MOCOS: variants seen among roughly 807,000 people sequenced by gnomAD.
MOCOS encodes molybdenum cofactor sulfurase, also known as human molybdenum cofactor sulfurase.
In MOCOS, 86 loss-of-function variants were observed where a neutral mutation model predicts 83.6. That is an observed-to-expected ratio of 1.03 (90% confidence interval 0.86 to 1.23). The LOEUF is 1.23. Ranked by LOEUF, MOCOS falls within the 50% of genes most tolerant of loss-of-function variation. The pLI, the probability that MOCOS is intolerant of heterozygous loss-of-function variation, is 0.00. For synonymous variants in MOCOS, 445 were observed against 434.7 expected (o/e 1.02, Z -0.29); for missense variants, 1,120 against 1,126.9 (o/e 0.99, Z 0.09).
At chr18:36,217,575 G>A (rs79626446) in intron 8 of MOCOS, among the ~76,000 whole-genome samples, 2,388 of 152,058 alleles carry the variant, frequency 0.016, 70 homozygotes, top group African/African-American at 0.055. Flanking sequence ...TCATTGAAGG[G>A]ACATTGCACC....
chr18:36,233,623 A>T (rs1248383674), intron 9 of MOCOS, among the ~76,000 whole-genome samples: 1 of 152,202 alleles, frequency 6.6e-6, no homozygotes, highest in South Asian at 2.1e-4. Flanking sequence ...ATTGTTTTCC[A>T]TAGTGGTTTT....
chr18:36,256,030 T>C (rs1368383832), intron 11 of MOCOS, among the ~76,000 whole-genome samples: 1 of 151,754 alleles, frequency 6.6e-6, no homozygotes, highest in Non-Finnish European at 1.5e-5. Context: ...GTAGCTAAGA[T>C]TAAAGGCAAG....
In MOCOS at chr18:36,220,063, G is replaced by A; in HGVS notation, c.1806G>A (p.Arg602=). The change falls in exon 9 of 15, where the codon AGG becomes AGA. Residue 602 remains arginine (R), a synonymous_variant. Coordinates refer to ENST00000261326, the MANE Select transcript of MOCOS (RefSeq NM_017947.4). ...IKSCAAFEVT[R]WPVGNQGLLY... ...TCTACCTTTTTGTTTAGGTGACCAG[G>A]TGGCCTGTAGGAAACCAAGGGCTGC... 3 of 1,612,950 alleles carry A rather than the reference G, an allele frequency of 1.9e-6. No individual in the cohort carries two copies. The highest frequency in any genetic ancestry group is 2.5e-6 in the Non-Finnish European group (3 of 1,180,010).
At chr18:36,205,842 C>A (rs1171743311) in intron 6 of MOCOS, among the ~76,000 whole-genome samples, 1 of 151,284 alleles carries the variant, frequency 6.6e-6, no homozygotes, top group Non-Finnish European at 1.5e-5. Flanking sequence ...TGGGTTCAAG[C>A]AATTCTCATG....
chr18:36,206,818 AT>A (rs1392249629), intron 6 of MOCOS, among the ~76,000 whole-genome samples: 1 of 152,066 alleles, frequency 6.6e-6, no homozygotes, highest in African/African-American at 2.4e-5. Flanking sequence ...GACTGGTTTC[AT>A]TTTTTTGTGG....
intron 14 of MOCOS, 106 bp downstream of exon 14, chr18:36,266,959 G>A: frequency 1.1e-6 from 1 of 947,188 alleles, no homozygotes; most frequent in Non-Finnish European, 1.7e-6. Flanking sequence ...TGGGGGATTT[G>A]CTGCCCATCC....
chr18:36,206,161 T>G (rs977908202), intron 6 of MOCOS, among the ~76,000 whole-genome samples: 1 of 151,870 alleles, frequency 6.6e-6, no homozygotes, highest in Admixed American at 6.6e-5. Context: ...AAATGTGAAC[T>G]GGTATGTGCA....
At chr18:36,224,027 T>C (rs1317339299) in intron 9 of MOCOS, among the ~76,000 whole-genome samples, 5 of 151,938 alleles carry the variant, frequency 3.3e-5, no homozygotes, top group Non-Finnish European at 7.4e-5. Context: ...TATTGTACTC[T>C]TTTTTTTGTG....
In MOCOS at chr18:36,200,337, C is replaced by T. The variant is rs948611606; in HGVS notation, c.941+13C>T. ...CGGTAGCTCAGAGGTAACCTTGCCA[C>T]AGGGGAGGGGTCAGAGGAGTTCAGC... On this transcript the variant is annotated intron_variant, in intron 4 of 14. Coordinates refer to ENST00000261326, the MANE Select transcript of MOCOS (RefSeq NM_017947.4). The T allele has an allele frequency of 3.1e-6, 5 of 1,613,782 alleles. No individual in the cohort carries two copies. In the Admixed American group the frequency reaches 5.0e-5, roughly 16 times the overall value.
chr18:36,221,751 A>T (rs1598880773), intron 9 of MOCOS, among the ~76,000 whole-genome samples: 1 of 143,898 alleles, frequency 6.9e-6, no homozygotes, highest in African/African-American at 2.5e-5. Context: ...TTTGAGACAG[A>T]GTTTCACTCT....
chr18:36,220,609 CAG>C (rs1223683391), intron 9 of MOCOS, among the ~76,000 whole-genome samples: 1 of 152,094 alleles, frequency 6.6e-6, no homozygotes, highest in Non-Finnish European at 1.5e-5. Flanking sequence ...TTTCGGGAGA[CAG>C]AAAGATCTGA....
chr18:36,195,462 G>A, intron 2 of MOCOS, 116 bp downstream of exon 2: 1 of 989,228 alleles, frequency 1.0e-6, no homozygotes, highest in Non-Finnish European at 1.6e-6. Context: ...AGCTGAATAA[G>A]CCCCATGTAA....
intron 1 of MOCOS, among the ~76,000 whole-genome samples, chr18:36,188,569 C>A (rs1232848035): frequency 6.6e-6 from 1 of 152,156 alleles, no homozygotes; most frequent in Non-Finnish European, 1.5e-5. Context: ...GAAGTGGGCA[C>A]GTCTTGGCAC....
rs571244665 is a variant in MOCOS at position 36,204,521 on chromosome 18, A to C, written c.1019-556A>C. Among the ~76,000 whole-genome samples, 24 of 152,348 alleles carry C rather than the reference A, an allele frequency of 1.6e-4. No individual in the cohort carries two copies. In the South Asian group the frequency reaches 3.1e-3, roughly 20 times the overall value. ...AAAGGGTCTAAATATCTAAATGTTT[A>C]AGTAACATTATGTATAAAAAAGAGG... On this transcript the variant is annotated intron_variant, in intron 5 of 14. Transcript: ENST00000261326.
chr18:36,189,820 TAAC>T (rs2091357937), intron 1 of MOCOS: 1 of 152,224 alleles, frequency 6.6e-6, no homozygotes, highest in Non-Finnish European at 1.5e-5. Context: ...CTGTTTCTAA[TAAC>T]AGCTACACCT....
At position 36,271,427 on chromosome 18, in the gene MOCOS, T is replaced by C. The variant is rs2091698718; in HGVS notation, c.*2742T>C. The C allele has an allele frequency of 6.6e-6, 1 of 152,190 alleles. No homozygotes were observed. Among genetic ancestry groups the C allele is most frequent in the African/African-American group, 2.4e-5 (1 of 41,470 alleles). 9.4% of individuals were successfully genotyped at this position (152,190 alleles called of 1,614,324 possible). A position where few individuals can be genotyped will look rare whatever the true frequency, so the allele number is the denominator to read the frequency against. On this transcript the variant is annotated 3_prime_UTR_variant, in exon 15 of 15. Transcript: ENST00000261326. ...TAGTGTCTACCTTCAATATTTCTTGTATGAAGTTTCAGCTAAAAATGTACT... is the reference window on the plus strand; with the variant it reads ...TAGTGTCTACCTTCAATATTTCTTGCATGAAGTTTCAGCTAAAAATGTACT...
chr18:36,199,804 A>C lies in MOCOS; in HGVS notation c.421A>C (p.Ser141Arg). 1 of 1,614,126 alleles carries C rather than the reference A, an allele frequency of 6.2e-7. No homozygotes were observed. Among genetic ancestry groups the C allele is most frequent in the South Asian group, 1.1e-5 (1 of 91,080 alleles). The change falls in exon 4 of 15, where the codon AGT becomes CGT. Residue 141 changes from serine (S) to arginine (R), a missense_variant. Physicochemically the swap from Ser to Arg is moderately radical, Grantham distance 110. Coordinates refer to ENST00000261326, the MANE Select transcript of MOCOS (RefSeq NM_017947.4). ...FPWVSQGPES[S>R]GSRFCYLTDS... Reference sequence around the variant, plus strand: ...ATGGGTGTCCCAGGGCCCAGAGAGCAGTGGGAGTCGCTTCTGTTACCTCAC... The same window carrying C: ...ATGGGTGTCCCAGGGCCCAGAGAGCCGTGGGAGTCGCTTCTGTTACCTCAC...
intron 9 of MOCOS, among the ~76,000 whole-genome samples, chr18:36,232,395 A>T: frequency 6.6e-6 from 1 of 152,246 alleles, no homozygotes; most frequent in East Asian, 1.9e-4. Flanking sequence ...TGATACATGC[A>T]TACAATATGT....
rs776046893 is a variant in MOCOS at position 36,215,638 on chromosome 18, A to G, written c.1458A>G (p.Ile486Met). The change falls in exon 8 of 15, where the codon ATA (isoleucine) becomes ATG (methionine). Residue 486 changes from isoleucine to methionine, a missense_variant. Ile to Met is a conservative substitution (Grantham distance 10). Coordinates refer to ENST00000261326, the MANE Select transcript of MOCOS (RefSeq NM_017947.4). ...TCCAGGCCTTTCTTAGGTTCATCAT[A>G]GACACTCGCCTGCACTCATCAGGGG... Reference protein sequence around the residue: ...DDVQAFLRFIIDTRLHSSGDW... With the variant: ...DDVQAFLRFIMDTRLHSSGDW... The G allele has an allele frequency of 6.2e-7, 1 of 1,614,176 alleles. No individual in the cohort carries two copies. Among genetic ancestry groups the G allele is most frequent in the Non-Finnish European group, 8.5e-7 (1 of 1,180,034 alleles).
Sources: gnomAD v4.1 joint callset for allele counts (sites outside exome capture counted in the v4.1 genomes callset) on GRCh38, gnomAD v4.1.1 for gene constraint, MANE v1.5 for transcripts, NCBI Gene and HGNC (gene_info 2026-07-23, HGNC 2026-07-21) for gene names.